EXOC6: variants seen among roughly 807,000 people sequenced by gnomAD.
EXOC6 encodes exocyst complex component 6, also known as SEC15-like 1.
In EXOC6, 60 loss-of-function variants were observed where a neutral mutation model predicts 112.5. The ratio of observed to expected loss-of-function variants is 0.53; its 90% CI spans 0.43 to 0.66. The LOEUF (loss-of-function observed/expected upper bound fraction) is 0.66. EXOC6 is among the 30% of genes least tolerant of loss of function. EXOC6 has a pLI of 0.00. For synonymous variants in EXOC6, 295 were observed against 308.0 expected, an observed-to-expected ratio of 0.96 and a Z score of 0.44; for missense variants, 855 against 957.1, an observed-to-expected ratio of 0.89 and a Z score of 1.41.
Position 92,902,918 on chromosome 10 carries a change from T to C in EXOC6, c.458+3274T>C, listed in dbSNP as rs574682301. Reference sequence around the variant, plus strand: ...TGGTTGCATAATTTCTTTTTATTGCTAGAATTTGTTTATCTATCCATTAGT... The same window carrying C: ...TGGTTGCATAATTTCTTTTTATTGCCAGAATTTGTTTATCTATCCATTAGT... On this transcript the variant is annotated intron_variant, in intron 5 of 21. Coordinates refer to ENST00000260762, the MANE Select transcript of EXOC6 (RefSeq NM_019053.6). Among the ~76,000 whole-genome samples, 182 of 152,164 alleles carry C rather than the reference T, an allele frequency of 1.2e-3. 1 individual carries two copies. Among genetic ancestry groups the C allele is most frequent in the Non-Finnish European group, 2.2e-3 (149 of 68,000 alleles).
chr10:93,022,784 TAA>T (rs1422674814), intron 20 of EXOC6, among the ~76,000 whole-genome samples: 1 of 150,442 alleles, frequency 6.6e-6, no homozygotes, highest in East Asian at 1.9e-4. Flanking sequence ...CATGAGGTGA[TAA>T]AAGTTTTTTT....
At chr10:92,959,166 T>C (rs1261912771) in intron 17 of EXOC6, among the ~76,000 whole-genome samples, 1 of 152,090 alleles carries the variant, frequency 6.6e-6, no homozygotes. Context: ...AATAGATTAA[T>C]GGAACAGATT....
At chr10:92,947,114 T>C (rs1853067040) in intron 13 of EXOC6, among the ~76,000 whole-genome samples, 1 of 152,162 alleles carries the variant, frequency 6.6e-6, no homozygotes, top group Non-Finnish European at 1.5e-5. Flanking sequence ...AAATCAATGA[T>C]TGGATGACAG....
intron 18 of EXOC6, among the ~76,000 whole-genome samples, chr10:92,988,318 A>G (rs1470786813): frequency 6.6e-6 from 1 of 152,228 alleles, no homozygotes; most frequent in African/African-American, 2.4e-5. Flanking sequence ...ATAAGAACTA[A>G]CAAGTATTCT....
chr10:93,014,499 T>C (rs1223741459), intron 20 of EXOC6, among the ~76,000 whole-genome samples: 1 of 152,212 alleles, frequency 6.6e-6, no homozygotes, highest in Non-Finnish European at 1.5e-5. Context: ...TATTTAATAG[T>C]CATTACCTGC....
chr10:92,915,973 A>T lies in EXOC6; in HGVS notation c.819+60A>T, dbSNP rs983859037. The T allele has an allele frequency of 5.0e-6, 6 of 1,195,452 alleles. No individual in the cohort carries two copies. The Admixed American group carries it at 1.1e-4, about 23-fold the overall frequency. 74.1% of individuals were successfully genotyped at this position (1,195,452 alleles called of 1,614,324 possible). ...ATAATTTTTTTTCTTTTGGATTGTA[A>T]TGTACATCTGTGTGATTTAGTCTTC... On this transcript the variant is annotated intron_variant, in intron 7 of 21. Transcript: ENST00000260762.
intron 14 of EXOC6, among the ~76,000 whole-genome samples, chr10:92,948,709 T>C (rs1853208792): frequency 1.3e-5 from 2 of 152,016 alleles, no homozygotes; most frequent in Admixed American, 1.3e-4. Flanking sequence ...GGAGAGGTGT[T>C]ACTAATGTTG....
chr10:92,831,365 A>C, upstream of EXOC6: 1 of 1,284,850 alleles, frequency 7.8e-7, no homozygotes, highest in Non-Finnish European at 1.0e-6. Context: ...ACAGTAAGTC[A>C]AAGCAATAGT....
chr10:92,875,040 C>T (rs1040146187), intron 1 of EXOC6, among the ~76,000 whole-genome samples: 1 of 151,844 alleles, frequency 6.6e-6, no homozygotes, highest in African/African-American at 2.4e-5. Context: ...GGTATTATAG[C>T]TGTGTTTGTG....
At chr10:93,057,312 G>A (rs1424857389) in intron 21 of EXOC6, among the ~76,000 whole-genome samples, 1 of 151,900 alleles carries the variant, frequency 6.6e-6, no homozygotes, top group Non-Finnish European at 1.5e-5. Context: ...TGTTTACTGG[G>A]GATGTGACAA....
At chr10:92,836,461 T>C (rs1846661176) in intron 1 of EXOC6, among the ~76,000 whole-genome samples, 1 of 152,172 alleles carries the variant, frequency 6.6e-6, no homozygotes, top group African/African-American at 2.4e-5. Flanking sequence ...CATAGATATG[T>C]TCCCCGGGTG....
intron 5 of EXOC6, chr10:92,901,282 T>C (rs1465837992): frequency 6.6e-6 from 1 of 152,190 alleles, no homozygotes; most frequent in Non-Finnish European, 1.5e-5. Context: ...CCAGTAGTTT[T>C]ATCATTCTTG....
At chr10:93,046,645 T>C (rs1846012441) in intron 20 of EXOC6, among the ~76,000 whole-genome samples, 1 of 151,796 alleles carries the variant, frequency 6.6e-6, no homozygotes. Context: ...TCACCCAGGT[T>C]GGAGTGCAAT....
rs1332379608 is a variant in EXOC6, at chr10:93,016,596, G to A, written c.2169+2329G>A. Among the ~76,000 whole-genome samples the A allele has an allele frequency of 6.6e-5, 10 of 152,254 alleles. No homozygotes were observed. In the East Asian group the frequency reaches 9.7e-4, roughly 15 times the overall value. Reference sequence around the variant, plus strand: ...AAGAGAGACATATTAGGGCTTATTCGATATAAGAAAATCATGTGAGAAACA... The same window carrying A: ...AAGAGAGACATATTAGGGCTTATTCAATATAAGAAAATCATGTGAGAAACA... On this transcript the variant is annotated intron_variant, in intron 20 of 21. Transcript: ENST00000260762.
intron 19 of EXOC6, among the ~76,000 whole-genome samples, chr10:93,001,314 C>T (rs115673405): frequency 6.6e-6 from 1 of 152,202 alleles, no homozygotes; most frequent in Non-Finnish European, 1.5e-5. Context: ...ATCTTGAAAT[C>T]CTTTCTATAA....
chr10:92,845,170 C>T (rs949552071), upstream of EXOC6, among the ~76,000 whole-genome samples: 1 of 152,122 alleles, frequency 6.6e-6, no homozygotes, highest in Non-Finnish European at 1.5e-5. Flanking sequence ...AGTCAATATC[C>T]ACTGCCAAAA....
chr10:92,920,827 T>A (rs1294399712), intron 8 of EXOC6, among the ~76,000 whole-genome samples: 2 of 152,206 alleles, frequency 1.3e-5, no homozygotes, highest in African/African-American at 4.8e-5. Flanking sequence ...TGACCTTTTT[T>A]AAAAAAATCA....
chr10:92,991,000 A>G (rs200464339), intron 18 of EXOC6, among the ~76,000 whole-genome samples: 1 of 152,200 alleles, frequency 6.6e-6, no homozygotes, highest in Non-Finnish European at 1.5e-5. Context: ...ATGGCTGTTT[A>G]TAATAGTCTG....
At chr10:92,982,236 T>C (rs774756239) in intron 18 of EXOC6, among the ~76,000 whole-genome samples, 1 of 152,210 alleles carries the variant, frequency 6.6e-6, no homozygotes, top group South Asian at 2.1e-4. Flanking sequence ...CATCAGAGAT[T>C]AGATGCCTAA....
Sources: allele counts gnomAD v4.1 joint callset (sites outside exome capture counted in the v4.1 genomes callset), GRCh38; gene constraint gnomAD v4.1.1; transcripts MANE v1.5; gene names NCBI Gene and HGNC (gene_info 2026-07-23, HGNC 2026-07-21).